Variants in ABCD2 observed in about 807,000 individuals in gnomAD.
The protein encoded by ABCD2 is ATP-binding cassette sub-family D member 2.
A neutral mutation model predicts 70.9 loss-of-function variants in ABCD2; 36 were observed. That is an observed-to-expected ratio of 0.51 (90% CI 0.39 to 0.67). The LOEUF (loss-of-function observed/expected upper bound fraction) is 0.67, where lower values mean the gene tolerates loss of function less well. Ranked by LOEUF, ABCD2 falls within the 30% of genes least tolerant of loss-of-function variation. The pLI, the probability that ABCD2 is intolerant of heterozygous loss-of-function variation, is 0.00. For missense variants in ABCD2, 729 were observed against 890.2 expected, an observed-to-expected ratio of 0.82 and a Z score of 2.30; for synonymous variants, 304 against 306.9, an observed-to-expected ratio of 0.99 and a Z score of 0.10.
At chr12:39,600,545 C>A in intron 6 of ABCD2, 26 bp downstream of exon 6, 3 of 1,519,376 alleles carry the variant, frequency 2.0e-6, no homozygotes, top group South Asian at 1.3e-5. Context: ...GAAATTGTTT[C>A]TTGTAATATA....
downstream of ABCD2, among the ~76,000 whole-genome samples, chr12:39,548,030 G>A (rs751567460): frequency 6.6e-6 from 1 of 152,082 alleles, no homozygotes; most frequent in Non-Finnish European, 1.5e-5. Context: ...TATGCATCCA[G>A]TAGAAACTGT....
intron 8 of ABCD2, among the ~76,000 whole-genome samples, chr12:39,575,752 C>T (rs950362401): frequency 1.3e-5 from 2 of 152,156 alleles, no homozygotes; most frequent in Non-Finnish European, 2.9e-5. Context: ...TTCCTTTTAT[C>T]TTTTGTCAAA....
intron 6 of ABCD2, among the ~76,000 whole-genome samples, chr12:39,600,162 A>C (rs1287367352): frequency 6.6e-6 from 1 of 152,190 alleles, no homozygotes; most frequent in Non-Finnish European, 1.5e-5. Flanking sequence ...GGATCCTCAA[A>C]TATAAATGAA....
chr12:39,593,583 C>T (rs1311076619), intron 6 of ABCD2, among the ~76,000 whole-genome samples: 2 of 152,114 alleles, frequency 1.3e-5, no homozygotes, highest in African/African-American at 4.8e-5. Flanking sequence ...ATCCATAAAG[C>T]TTATTTGGTG....
intron 9 of ABCD2, among the ~76,000 whole-genome samples, chr12:39,563,357 A>C (rs1235157994): frequency 6.6e-6 from 1 of 152,102 alleles, no homozygotes; most frequent in Non-Finnish European, 1.5e-5. Context: ...ACACCTCTGC[A>C]GTCCAGCCTG....
Position 39,605,240 on chromosome 12 carries a change from A to G in ABCD2, c.1237-310T>C, listed in dbSNP as rs1263826254. Among the ~76,000 whole-genome samples, 6 of 152,208 alleles carry G rather than the reference A, an allele frequency of 3.9e-5. No individual in the cohort carries two copies. The East Asian group carries it at 1.2e-3, about 29-fold the overall frequency. On this transcript the variant is annotated intron_variant, in intron 3 of 9. Transcript: ENST00000308666. Reference sequence around the variant, plus strand: ...TGATGAAATTCATTTCCAATAAATTATAAATTTTGTGGAAAGCTTAAGGTC... The same window carrying G: ...TGATGAAATTCATTTCCAATAAATTGTAAATTTTGTGGAAAGCTTAAGGTC...
At position 39,559,632 on chromosome 12, in the gene ABCD2, G is replaced by GA. The variant is rs528216912; in HGVS notation, c.2004-5502dup. On this transcript the variant is annotated intron_variant, in intron 9 of 9. Coordinates refer to ENST00000308666, the MANE Select transcript of ABCD2 (RefSeq NM_005164.4). Reference sequence around the variant, plus strand: ...GACAAAGAGAGAAACCTGAAAGCAAGAAAAAAAAATAACACATAAGGGAGT... The same window carrying GA: ...GACAAAGAGAGAAACCTGAAAGCAAGAAAAAAAAAATAACACATAAGGGAGT... Among the ~76,000 whole-genome samples, 25 of 150,146 alleles carry GA rather than the reference G, an allele frequency of 1.7e-4. No homozygotes were observed. The Middle Eastern group carries it at 0.01, about 62-fold the overall frequency.
At chr12:39,609,780 TAGAC>T (rs1305786131) in intron 2 of ABCD2, among the ~76,000 whole-genome samples, 3 of 152,214 alleles carry the variant, frequency 2.0e-5, no homozygotes, top group Admixed American at 6.5e-5. Context: ...TTTTTGCACA[TAGAC>T]AGCTCAACTT....
rs537012553 is a variant in ABCD2, at chr12:39,566,490, T to C, written c.2003+7226A>G. Among the ~76,000 whole-genome samples, 26 of 152,354 alleles carry C rather than the reference T, an allele frequency of 1.7e-4. No homozygotes were observed. In the East Asian group the frequency reaches 5.0e-3, roughly 29 times the overall value. On this transcript the variant is annotated intron_variant, in intron 9 of 9. Coordinates refer to ENST00000308666, the MANE Select transcript of ABCD2 (RefSeq NM_005164.4). ...CAGTGGTGATATTCCCTTTATCATTTTTTATTGCATCTATTTGATTCTTCT... is the reference window on the plus strand; with the variant it reads ...CAGTGGTGATATTCCCTTTATCATTCTTTATTGCATCTATTTGATTCTTCT...
intron 5 of ABCD2, among the ~76,000 whole-genome samples, chr12:39,601,344 G>A (rs968195344): frequency 5.3e-5 from 8 of 151,162 alleles, no homozygotes; most frequent in Admixed American, 1.3e-4. Flanking sequence ...GTCTAGGGAT[G>A]AATTAAAATA....
At position 39,550,114 on chromosome 12, in the gene ABCD2, A is replaced by G. The variant is rs1465420342; in HGVS notation, c.*3798T>C. The G allele has an allele frequency of 1.3e-5, 2 of 151,818 alleles. No homozygotes were observed. The highest frequency in any genetic ancestry group is 4.8e-5 in the African/African-American group (2 of 41,448). 9.4% of individuals were successfully genotyped at this position (151,818 alleles called of 1,614,324 possible). A position where few individuals can be genotyped will look rare whatever the true frequency, so the allele number is the denominator to read the frequency against. On this transcript the variant is annotated 3_prime_UTR_variant, in exon 10 of 10. Transcript: ENST00000308666. Reference sequence around the variant, plus strand: ...GGTAGATACTTATTAAATGTGTTGTATTAATAAAGAAAATTAATATTTAAA... The same window carrying G: ...GGTAGATACTTATTAAATGTGTTGTGTTAATAAAGAAAATTAATATTTAAA...
intron 9 of ABCD2, 143 bp downstream of exon 9, chr12:39,573,573 G>A (rs1278786538): frequency 4.1e-6 from 3 of 722,956 alleles, no homozygotes; most frequent in Non-Finnish European, 4.2e-6. Flanking sequence ...GAGTATCTAA[G>A]CTACTAATGT....
chr12:39,560,445 A>G (rs1941238928), intron 9 of ABCD2, among the ~76,000 whole-genome samples: 1 of 152,254 alleles, frequency 6.6e-6, no homozygotes, highest in South Asian at 2.1e-4. Flanking sequence ...AGTCTTTGCT[A>G]TTGGTAAATC....
intron 8 of ABCD2, among the ~76,000 whole-genome samples, chr12:39,578,019 C>G (rs73096532): frequency 0.35 from 52,797 of 151,974 alleles, 11,044 homozygotes; most frequent in African/African-American, 0.59. Flanking sequence ...CCAACTAATT[C>G]CTAGGTGTTC....
chr12:39,566,811 A>C (rs1477243028), intron 9 of ABCD2, among the ~76,000 whole-genome samples: 2 of 152,234 alleles, frequency 1.3e-5, no homozygotes, highest in African/African-American at 2.4e-5. Flanking sequence ...AATGTGTCCC[A>C]GAAATTCTGG....
chr12:39,618,958 A>AT lies in ABCD2; in HGVS notation c.657dup (p.Ser220IlefsTer50). 6.2e-7 allele frequency: 1 copy of AT among 1,614,210 alleles called. No individual in the cohort carries two copies. The highest frequency in any genetic ancestry group is 8.5e-7 in the Non-Finnish European group (1 of 1,180,040). On this transcript the variant is annotated frameshift_variant, in exon 1 of 10. Coordinates refer to ENST00000308666, the MANE Select transcript of ABCD2 (RefSeq NM_005164.4). LOFTEE classifies it high-confidence loss of function. The stretch of plus-strand genomic sequence containing the variant: ...AGATTGGAATACAAGTGAGCCACAG[A>AT]TTGGGAGAACATCATAATATCCTCC...
At chr12:39,605,414 T>C (rs903456679) in intron 3 of ABCD2, among the ~76,000 whole-genome samples, 1 of 152,132 alleles carries the variant, frequency 6.6e-6, no homozygotes, top group East Asian at 1.9e-4. Context: ...TTTGGCAGGA[T>C]ACCAATATTG....
At chr12:39,542,888 G>C in the ABCD2 span, among the ~76,000 whole-genome samples, 2 of 152,180 alleles carry the variant, frequency 1.3e-5, no homozygotes, top group Non-Finnish European at 2.9e-5. Context: ...AGCAGGAAAA[G>C]TTTGAGACCA....
In ABCD2 at chr12:39,586,170, T is replaced by C; in HGVS notation, c.1774A>G (p.Ile592Val). ...RILHNVHLYH[I>V]VQREGGWDAV... ...ACTTTACCTCCTTCTCTTTGAACTATGTGATAGAGATGGACATTGTGTAGG... is the reference window on the plus strand; with the variant it reads ...ACTTTACCTCCTTCTCTTTGAACTACGTGATAGAGATGGACATTGTGTAGG... The change falls in exon 7 of 10, where the codon ATA becomes GTA. Residue 592 changes from isoleucine to valine, a missense_variant. Transcript: ENST00000308666. 1 of 1,612,492 alleles carries C rather than the reference T, an allele frequency of 6.2e-7. No individual in the cohort carries two copies.
Sources: gnomAD v4.1 joint callset for allele counts (sites outside exome capture counted in the v4.1 genomes callset) on GRCh38, gnomAD v4.1.1 for gene constraint, MANE v1.5 for transcripts, NCBI Gene and HGNC (gene_info 2026-07-23, HGNC 2026-07-21) for gene names.